ATP6V1A: variants seen among roughly 807,000 people sequenced by gnomAD.
ATP6V1A encodes V-type proton ATPase catalytic subunit A.
In ATP6V1A, 18 loss-of-function variants were observed where a neutral mutation model predicts 70.1. The ratio of observed to expected loss-of-function variants is 0.26; its 90% CI spans 0.18 to 0.38. ATP6V1A has a LOEUF of 0.38. Ranked by LOEUF, ATP6V1A falls within the 10% of genes least tolerant of loss-of-function variation. The pLI is 1.00. For missense variants in ATP6V1A, 424 were observed against 772.4 expected, an observed-to-expected ratio of 0.55 and a Z score of 5.35; for synonymous variants, 232 against 253.8, an observed-to-expected ratio of 0.91 and a Z score of 0.82.
intron 1 of ATP6V1A, chr3:113,747,458 T>C (rs1213031454): frequency 1.3e-5 from 2 of 152,238 alleles, no homozygotes; most frequent in Non-Finnish European, 2.9e-5. Flanking sequence ...AGCCCATTCT[T>C]TGGCAAAGGT....
intron 13 of ATP6V1A, 36 bp downstream of exon 13, chr3:113,803,713 T>C (rs1472126979): frequency 1.3e-6 from 2 of 1,522,478 alleles, no homozygotes; most frequent in African/African-American, 2.8e-5. Context: ...TATTTGAGGA[T>C]TTTCTGTTGT....
In ATP6V1A at chr3:113,776,367, C is replaced by CA. The variant is rs559869858; in HGVS notation, c.-13-2367dup. Among the ~76,000 whole-genome samples the CA allele has an allele frequency of 3.9e-5, 6 of 151,988 alleles. No individual in the cohort carries two copies. The East Asian group carries it at 1.2e-3, about 29-fold the overall frequency. On this transcript the variant is annotated intron_variant, in intron 1 of 14. Coordinates refer to ENST00000273398, the MANE Select transcript of ATP6V1A (RefSeq NM_001690.4). ...CCTGCGTGACAGCGAGAACTTGTCTCAAAAAAACAAAAACAAAAACTTACT... is the reference window on the plus strand; with the variant it reads ...CCTGCGTGACAGCGAGAACTTGTCTCAAAAAAAACAAAAACAAAAACTTACT...
chr3:113,779,700 T>A (rs1015825953), intron 2 of ATP6V1A, among the ~76,000 whole-genome samples: 2 of 152,134 alleles, frequency 1.3e-5, no homozygotes, highest in Non-Finnish European at 2.9e-5. Flanking sequence ...AGAGAAATAA[T>A]TGTCCTCTCA....
At chr3:113,808,250 AT>A (rs1321355498) in intron 14 of ATP6V1A, among the ~76,000 whole-genome samples, 1 of 145,260 alleles carries the variant, frequency 6.9e-6, no homozygotes, top group Non-Finnish European at 1.5e-5. Flanking sequence ...AAGTGGAATG[AT>A]TGGGTTAGAG....
chr3:113,809,012 G>T (rs1709310182), intron 14 of ATP6V1A, among the ~76,000 whole-genome samples: 1 of 152,082 alleles, frequency 6.6e-6, no homozygotes, highest in Admixed American at 6.6e-5. Context: ...CACTTTGGGA[G>T]GCCGAGGCAA....
chr3:113,811,755 T>C lies in ATP6V1A; in HGVS notation c.*2328T>C, dbSNP rs141727775. The C allele has an allele frequency of 1.0e-4, 16 of 152,772 alleles. No individual in the cohort carries two copies. The highest frequency in any genetic ancestry group is 3.8e-4 in the African/African-American group (16 of 41,592). 9.5% of individuals were successfully genotyped at this position (152,772 alleles called of 1,614,324 possible). A position where few individuals can be genotyped will look rare whatever the true frequency, so the allele number is the denominator to read the frequency against. Reference sequence around the variant, plus strand: ...TACAGAGTTTCAGATCGGTCACTGATAGTATGTATTTCTTTAGTAAGAATG... The same window carrying C: ...TACAGAGTTTCAGATCGGTCACTGACAGTATGTATTTCTTTAGTAAGAATG... On this transcript the variant is annotated 3_prime_UTR_variant, in exon 15 of 15. Coordinates refer to ENST00000273398, the MANE Select transcript of ATP6V1A (RefSeq NM_001690.4).
chr3:113,756,053 T>A (rs1175903600), intron 1 of ATP6V1A, among the ~76,000 whole-genome samples: 1 of 152,340 alleles, frequency 6.6e-6, no homozygotes, highest in South Asian at 2.1e-4. Flanking sequence ...TATTAACTCA[T>A]GGAAGCCTCA....
intron 5 of ATP6V1A, among the ~76,000 whole-genome samples, chr3:113,785,857 T>C (rs1709033583): frequency 6.7e-6 from 1 of 148,712 alleles, no homozygotes; most frequent in Non-Finnish European, 1.5e-5. Context: ...AATATACTTC[T>C]TTCTTTCTTT....
At chr3:113,766,815 A>G (rs1445880931) in intron 1 of ATP6V1A, among the ~76,000 whole-genome samples, 1 of 152,130 alleles carries the variant, frequency 6.6e-6, no homozygotes, top group East Asian at 1.9e-4. Context: ...ATTGCTTTCG[A>G]TGGCAAAACA....
chr3:113,811,338 C>T lies in ATP6V1A; in HGVS notation c.*1911C>T, dbSNP rs1709339414. 6.6e-6 allele frequency: 1 copy of T among 152,518 alleles called. No individual in the cohort carries two copies. The highest frequency in any genetic ancestry group is 2.4e-5 in the African/African-American group (1 of 41,406). 9.4% of individuals were successfully genotyped at this position (152,518 alleles called of 1,614,324 possible). A position where few individuals can be genotyped will look rare whatever the true frequency, so the allele number is the denominator to read the frequency against. ...TGCAGATTACATGTTTTTACAGTGG[C>T]CTGCTATTGAGGAAAGGTATTCTTC... On this transcript the variant is annotated 3_prime_UTR_variant, in exon 15 of 15. Transcript: ENST00000273398.
At chr3:113,779,972 T>C (rs1708960898) in intron 2 of ATP6V1A, among the ~76,000 whole-genome samples, 1 of 152,166 alleles carries the variant, frequency 6.6e-6, no homozygotes, top group South Asian at 2.1e-4. Context: ...GTTACCTAGG[T>C]TTTAAGCCCC....
rs558422546 is a variant in ATP6V1A at position 113,763,249 on chromosome 3, A to G, written c.-13-15492A>G. 3.3e-5 allele frequency among the ~76,000 whole-genome samples: 5 copies of G among 152,190 alleles called. No homozygotes were observed. In the East Asian group the frequency reaches 9.7e-4, roughly 29 times the overall value. On this transcript the variant is annotated intron_variant, in intron 1 of 14. Coordinates refer to ENST00000273398, the MANE Select transcript of ATP6V1A (RefSeq NM_001690.4). The stretch of plus-strand genomic sequence containing the variant: ...ACTACAGGCACCTGCCATCACGCCC[A>G]GCTAATTTTTTGTATTTTTAGTAGA...
chr3:113,749,263 T>TCTCA (rs1553707184), intron 1 of ATP6V1A, among the ~76,000 whole-genome samples: 1 of 141,162 alleles, frequency 7.1e-6, no homozygotes, highest in Admixed American at 7.1e-5. Flanking sequence ...TATACACAGA[T>TCTCA]CACACACACA....
At chr3:113,775,762 A>G (rs1473349904) in intron 1 of ATP6V1A, among the ~76,000 whole-genome samples, 1 of 152,152 alleles carries the variant, frequency 6.6e-6, no homozygotes, top group Non-Finnish European at 1.5e-5. Context: ...TAGAGGAAAT[A>G]CCCATATGTG....
intron 11 of ATP6V1A, among the ~76,000 whole-genome samples, chr3:113,797,029 G>A (rs367748569): frequency 3.3e-5 from 5 of 152,244 alleles, no homozygotes; most frequent in South Asian, 2.1e-4. Flanking sequence ...TCCACCTCCC[G>A]GGTTCAAGTG....
chr3:113,795,984 C>T (rs1709149669), intron 11 of ATP6V1A, 45 bp downstream of exon 11: 2 of 1,473,276 alleles, frequency 1.4e-6, no homozygotes, highest in Non-Finnish European at 9.3e-7. Flanking sequence ...CTTTCCTCCT[C>T]TCTGCAGCCC....
At chr3:113,798,524 T>TG in intron 12 of ATP6V1A, 78 bp downstream of exon 12, 1 of 1,249,322 alleles carries the variant, frequency 8.0e-7, no homozygotes, top group Admixed American at 2.4e-5. Context: ...GCCTTGGATA[T>TG]TACAGATTCT....
rs537524249 is a variant in ATP6V1A, at chr3:113,777,315, TAATA to T, written c.-13-1417_-13-1414del. The stretch of plus-strand genomic sequence containing the variant: ...CTCATAGTTAAAATTTAAAGATAGG[TAATA>T]AATAAATACTTTTAAAGAGTAAAAT... On this transcript the variant is annotated intron_variant, in intron 1 of 14. Coordinates refer to ENST00000273398, the MANE Select transcript of ATP6V1A (RefSeq NM_001690.4). 4.1e-4 allele frequency among the ~76,000 whole-genome samples: 63 copies of T among 152,332 alleles called. No homozygotes were observed. In the South Asian group the frequency reaches 0.012, roughly 29 times the overall value.
chr3:113,803,508 C>A, intron 12 of ATP6V1A, 75 bp from the exon 13 acceptor site: 1 of 1,087,898 alleles, frequency 9.2e-7, no homozygotes. Flanking sequence ...ATAATAGTTT[C>A]TGCTTGTTAA....
Sources: allele counts gnomAD v4.1 joint callset (sites outside exome capture counted in the v4.1 genomes callset), GRCh38; gene constraint gnomAD v4.1.1; transcripts MANE v1.5; gene names NCBI Gene and HGNC (gene_info 2026-07-23, HGNC 2026-07-21).